Variants in ROBO2 observed in about 807,000 individuals in gnomAD.
The protein encoded by ROBO2 is roundabout homolog 2.
A neutral mutation model predicts 160.8 loss-of-function variants in ROBO2; 53 were observed. The observed-to-expected ratio is 0.33, with a 90% CI of 0.26 to 0.41. The LOEUF (loss-of-function observed/expected upper bound fraction) is 0.41. Ranked by LOEUF, ROBO2 falls within the 10% of genes least tolerant of loss-of-function variation. ROBO2 has a pLI of 1.00. For missense variants in ROBO2, 1,577 were observed against 1,722.4 expected (o/e 0.92, Z 1.49); for synonymous variants, 664 against 611.7 (o/e 1.09, Z -1.26).
At chr3:76,117,270 A>G (rs939653585) in intron 2 of ROBO2, among the ~76,000 whole-genome samples, 48 of 152,290 alleles carry the variant, frequency 3.2e-4, no homozygotes, top group African/African-American at 1.2e-3. Flanking sequence ...TAATATTGCC[A>G]CACTATTTTC....
At chr3:77,222,043 G>A (rs1419403825) in intron 2 of ROBO2, among the ~76,000 whole-genome samples, 1 of 151,658 alleles carries the variant, frequency 6.6e-6, no homozygotes, top group Non-Finnish European at 1.5e-5. Flanking sequence ...AGTAGAGATG[G>A]AGTTTCACCA....
At chr3:76,251,040 G>A (rs1705961931) in intron 2 of ROBO2, among the ~76,000 whole-genome samples, 1 of 151,946 alleles carries the variant, frequency 6.6e-6, no homozygotes, top group South Asian at 2.1e-4. Flanking sequence ...ATTCTTTCCT[G>A]ACTGATTGTA....
chr3:76,090,981 AAC>A (rs1029419317), intron 2 of ROBO2, among the ~76,000 whole-genome samples: 1 of 152,252 alleles, frequency 6.6e-6, no homozygotes, highest in Admixed American at 6.5e-5. Context: ...TAGATGTTAA[AAC>A]ACAAAACTAC....
chr3:76,195,289 G>A (rs1702209178), intron 2 of ROBO2, among the ~76,000 whole-genome samples: 2 of 152,098 alleles, frequency 1.3e-5, no homozygotes, highest in African/African-American at 4.8e-5. Context: ...ATGTAGTTAA[G>A]CCATTATAAA....
At chr3:76,434,126 T>C (rs1016132980) in intron 2 of ROBO2, 22 of 1,223,676 alleles carry the variant, frequency 1.8e-5, no homozygotes, top group Non-Finnish European at 2.5e-5. Flanking sequence ...CAGCTCCATA[T>C]GTGCAAGCAT....
chr3:76,998,382 T>C (rs2061148778), intron 2 of ROBO2, among the ~76,000 whole-genome samples: 1 of 152,120 alleles, frequency 6.6e-6, no homozygotes, highest in African/African-American at 2.4e-5. Context: ...TTGAAAGTAC[T>C]TTCAAGAAAT....
intron 2 of ROBO2, among the ~76,000 whole-genome samples, chr3:76,129,421 T>C (rs1320560331): frequency 2.6e-5 from 4 of 152,150 alleles, no homozygotes; most frequent in Admixed American, 2.0e-4. Context: ...TGGAGGCCAA[T>C]TGAAATGCAC....
At chr3:76,248,944 A>T (rs1705809791) in intron 2 of ROBO2, among the ~76,000 whole-genome samples, 1 of 152,088 alleles carries the variant, frequency 6.6e-6, no homozygotes. Flanking sequence ...GTGTTCAATC[A>T]TCAAAATGTA....
intron 2 of ROBO2, among the ~76,000 whole-genome samples, chr3:77,104,623 A>G (rs2072532273): frequency 1.3e-5 from 2 of 152,150 alleles, no homozygotes; most frequent in Admixed American, 1.3e-4. Context: ...TCATATGGTA[A>G]CTGTTTAACT....
intron 2 of ROBO2, among the ~76,000 whole-genome samples, chr3:77,330,325 C>T (rs2065851885): frequency 6.6e-6 from 1 of 152,200 alleles, no homozygotes; most frequent in Admixed American, 6.5e-5. Context: ...TGAGACCAGT[C>T]TGGCCAACAT....
At chr3:77,251,780 C>T (rs2090378600) in intron 2 of ROBO2, among the ~76,000 whole-genome samples, 6 of 152,146 alleles carry the variant, frequency 3.9e-5, no homozygotes, top group Admixed American at 3.9e-4. Context: ...TCCACTTTCA[C>T]TTGACTCTCT....
intron 5 of ROBO2, among the ~76,000 whole-genome samples, chr3:77,498,279 T>C (rs562054154): frequency 2.2e-4 from 34 of 152,360 alleles, no homozygotes; most frequent in African/African-American, 7.5e-4. Context: ...GGAATGTTCA[T>C]AATAGCTTGT....
At chr3:76,073,586 C>T (rs562712510) in intron 2 of ROBO2, among the ~76,000 whole-genome samples, 1 of 151,918 alleles carries the variant, frequency 6.6e-6, no homozygotes, top group Admixed American at 6.6e-5. Flanking sequence ...CTACCGCGCC[C>T]GGCAGAGTAT....
intron 1 of ROBO2, among the ~76,000 whole-genome samples, chr3:75,920,124 G>T (rs369883645): frequency 3.3e-4 from 50 of 151,996 alleles, no homozygotes; most frequent in Non-Finnish European, 6.0e-4. Flanking sequence ...CGATGTTAGG[G>T]TGTCTATTTT....
intron 2 of ROBO2, among the ~76,000 whole-genome samples, chr3:76,004,058 C>A (rs543767870): frequency 2.3e-4 from 35 of 152,026 alleles, no homozygotes; most frequent in African/African-American, 8.4e-4. Flanking sequence ...GGATGTTTAC[C>A]CAAGAGAAAT....
chr3:77,527,442 G>A, intron 6 of ROBO2, 28 bp downstream of exon 7: 1 of 1,281,626 alleles, frequency 7.8e-7, no homozygotes, highest in African/African-American at 1.5e-5. Context: ...TATCCACTAA[G>A]CATGGCTTTG....
At chr3:76,192,594 A>G (rs923469531) in intron 2 of ROBO2, among the ~76,000 whole-genome samples, 26 of 150,230 alleles carry the variant, frequency 1.7e-4, no homozygotes, top group African/African-American at 5.9e-4. Context: ...TTTTTTTTAC[A>G]TTTATACCCA....
intron 2 of ROBO2, among the ~76,000 whole-genome samples, chr3:76,048,691 A>T (rs2107801916): frequency 6.6e-6 from 1 of 152,242 alleles, no homozygotes; most frequent in Middle Eastern, 3.4e-3. Flanking sequence ...CATCCATTTG[A>T]CCCCTAAAAA....
In ROBO2 at chr3:77,292,178, G is replaced by C. The variant is rs139078621; in HGVS notation, c.389-185236G>C. ...AACGGGTAAGCTGAGGCTAGATCACGCCAGACATAAAGTAAAATTGATGGT... is the reference window on the plus strand; with the variant it reads ...AACGGGTAAGCTGAGGCTAGATCACCCCAGACATAAAGTAAAATTGATGGT... On this transcript the variant is annotated intron_variant, in intron 2 of 25. Transcript: ENST00000461745. Among the ~76,000 whole-genome samples, 914 of 103,034 alleles carry C rather than the reference G, an allele frequency of 8.9e-3. 15 individuals carry two copies. The highest frequency in any genetic ancestry group is 9.0e-3 in the African/African-American group (237 of 26,270). The allele number at this position is 103,034 out of a possible 152,430, so 67.6% of individuals were successfully genotyped here.
Sources: allele counts gnomAD v4.1 joint callset (sites outside exome capture counted in the v4.1 genomes callset), GRCh38; gene constraint gnomAD v4.1.1; transcripts MANE v1.5; gene names NCBI Gene and HGNC (gene_info 2026-07-23, HGNC 2026-07-21).